Variants in NRXN3 observed in about 807,000 individuals in gnomAD.
NRXN3 encodes the protein neurexin III.
In NRXN3, 32 loss-of-function variants were observed where a neutral mutation model predicts 137.6. The ratio of observed to expected loss-of-function variants is 0.23; its 90% CI spans 0.18 to 0.31. The LOEUF is 0.31. Among genes scored for constraint, NRXN3 ranks in the 10% least tolerant of loss-of-function variants. NRXN3 has a pLI of 1.00. For synonymous variants in NRXN3, 798 were observed against 784.5 expected (o/e 1.02, Z -0.29); for missense variants, 1,574 against 2,062.5 (o/e 0.76, Z 4.59).
At chr14:79,172,388 CT>C (rs1383039064) in intron 15 of NRXN3, among the ~76,000 whole-genome samples, 2 of 151,778 alleles carry the variant, frequency 1.3e-5, no homozygotes, top group Non-Finnish European at 2.9e-5. Context: ...TATTTTTTGC[CT>C]TATGGCATTT....
intron 1 of NRXN3, among the ~76,000 whole-genome samples, chr14:78,199,137 C>T (rs1595839361): frequency 6.6e-6 from 1 of 152,150 alleles, no homozygotes; most frequent in Non-Finnish European, 1.5e-5. Context: ...ATCTAGAAAA[C>T]ATCAGGAGAG....
At chr14:78,840,001 C>G (rs2099007594) in intron 10 of NRXN3, among the ~76,000 whole-genome samples, 1 of 152,246 alleles carries the variant, frequency 6.6e-6, no homozygotes, top group African/African-American at 2.4e-5. Context: ...AATGCAAGAT[C>G]CAAGAATATC....
In NRXN3 at chr14:79,139,346, G is replaced by C. The variant is rs527358154; in HGVS notation, c.3262+151205G>C. Among the ~76,000 whole-genome samples, 14 of 152,264 alleles carry C rather than the reference G, an allele frequency of 9.2e-5. No individual in the cohort carries two copies. In the East Asian group the frequency reaches 2.7e-3, roughly 29 times the overall value. On this transcript the variant is annotated intron_variant, in intron 15 of 20. Coordinates refer to ENST00000335750, the MANE Select transcript of NRXN3 (RefSeq NM_001330195.2). Reference sequence around the variant, plus strand: ...TTGGTTAGCAAGTCAACAGAGACCTGTGTATCTAGGCCTGCATATATGCAT... The same window carrying C: ...TTGGTTAGCAAGTCAACAGAGACCTCTGTATCTAGGCCTGCATATATGCAT...
chr14:78,728,990 CT>C (rs1444307861), intron 8 of NRXN3, among the ~76,000 whole-genome samples: 1 of 152,182 alleles, frequency 6.6e-6, no homozygotes, highest in Non-Finnish European at 1.5e-5. Context: ...TTTTTAACCC[CT>C]TTTTAGCCTC....
chr14:78,844,491 G>C (rs1323565295), intron 10 of NRXN3, among the ~76,000 whole-genome samples: 1 of 152,048 alleles, frequency 6.6e-6, no homozygotes, highest in Non-Finnish European at 1.5e-5. Context: ...GATTGGGCAA[G>C]TTACTGCATC....
At chr14:78,353,282 G>T (rs2083813522) in intron 4 of NRXN3, among the ~76,000 whole-genome samples, 1 of 152,106 alleles carries the variant, frequency 6.6e-6, no homozygotes, top group South Asian at 2.1e-4. Flanking sequence ...GTCCATTTGG[G>T]CTACTAAAAC....
At chr14:78,547,016 C>G (rs142662622) in intron 4 of NRXN3, among the ~76,000 whole-genome samples, 2 of 152,306 alleles carry the variant, frequency 1.3e-5, no homozygotes, top group East Asian at 1.9e-4. Flanking sequence ...AAAAGCCACT[C>G]TTTTCCCACT....
intron 17 of NRXN3, among the ~76,000 whole-genome samples, chr14:79,666,941 G>A (rs558747352): frequency 6.6e-6 from 1 of 151,968 alleles, no homozygotes; most frequent in Non-Finnish European, 1.5e-5. Context: ...AAGTTGTTGT[G>A]TGATATACTA....
intron 17 of NRXN3, among the ~76,000 whole-genome samples, chr14:79,679,550 T>G (rs1008421098): frequency 7.9e-5 from 12 of 152,188 alleles, no homozygotes; most frequent in Non-Finnish European, 1.2e-4. Context: ...GGCCAATAGT[T>G]GTCAACTTTT....
At chr14:78,293,241 CCTTT>C (rs1463419967) in intron 3 of NRXN3, among the ~76,000 whole-genome samples, 1 of 152,138 alleles carries the variant, frequency 6.6e-6, no homozygotes, top group Non-Finnish European at 1.5e-5. Context: ...AACCCCTTTT[CCTTT>C]GAGGTGTCAT....
At chr14:78,853,386 G>T (rs368526830) in intron 10 of NRXN3, among the ~76,000 whole-genome samples, 1 of 152,088 alleles carries the variant, frequency 6.6e-6, no homozygotes, top group Non-Finnish European at 1.5e-5. Context: ...TTCATCTGTT[G>T]ATGGACACAT....
intron 15 of NRXN3, among the ~76,000 whole-genome samples, chr14:79,318,630 G>C (rs1452494628): frequency 6.6e-6 from 1 of 152,208 alleles, no homozygotes; most frequent in Non-Finnish European, 1.5e-5. Context: ...AGTAATATGG[G>C]ATTTATTGGG....
intron 8 of NRXN3, among the ~76,000 whole-genome samples, chr14:78,740,054 G>A (rs1044367662): frequency 6.6e-6 from 1 of 152,206 alleles, no homozygotes; most frequent in Admixed American, 6.5e-5. Flanking sequence ...GGGGGTGGAT[G>A]TGAGAGAGTT....
At chr14:78,340,851 C>T (rs910280172) in intron 4 of NRXN3, among the ~76,000 whole-genome samples, 3 of 152,124 alleles carry the variant, frequency 2.0e-5, no homozygotes, top group African/African-American at 4.8e-5. Context: ...GTGTGATTGG[C>T]AGCCACATTC....
At chr14:79,158,955 GT>G in intron 15 of NRXN3, among the ~76,000 whole-genome samples, 1 of 151,898 alleles carries the variant, frequency 6.6e-6, no homozygotes, top group African/African-American at 2.4e-5. Flanking sequence ...AAAATTGCTC[GT>G]GTTTGATGAG....
chr14:78,506,947 G>T (rs2096007207), intron 4 of NRXN3, among the ~76,000 whole-genome samples: 1 of 151,988 alleles, frequency 6.6e-6, no homozygotes, highest in Non-Finnish European at 1.5e-5. Flanking sequence ...CACCTCCTTT[G>T]CCCATTTCTT....
intron 11 of NRXN3, among the ~76,000 whole-genome samples, chr14:78,961,534 G>A (rs1295842827): frequency 6.6e-6 from 1 of 152,190 alleles, no homozygotes; most frequent in Non-Finnish European, 1.5e-5. Flanking sequence ...TCATTTCGGA[G>A]GAAGGGAGAG....
rs1482589462 is a variant in NRXN3 at position 79,593,351 on chromosome 14, C to T, written c.3445-70427C>T. Among the ~76,000 whole-genome samples, 3 of 152,102 alleles carry T rather than the reference C, an allele frequency of 2.0e-5. No individual in the cohort carries two copies. In the East Asian group the frequency reaches 5.8e-4, roughly 29 times the overall value. On this transcript the variant is annotated intron_variant, in intron 16 of 20. Transcript: ENST00000335750. ...ATATTAAAAATTTACCTTGAGAAGG[C>T]CGGGTGTGGTGGCTCACACCTGTAA...
At chr14:79,761,618 G>A (rs928043983) in intron 19 of NRXN3, among the ~76,000 whole-genome samples, 31 of 146,850 alleles carry the variant, frequency 2.1e-4, no homozygotes, top group African/African-American at 4.6e-4. Flanking sequence ...GCGTGAACCC[G>A]GGAGGCGGAG....
Sources: allele counts gnomAD v4.1 joint callset (sites outside exome capture counted in the v4.1 genomes callset), GRCh38; gene constraint gnomAD v4.1.1; transcripts MANE v1.5; gene names NCBI Gene and HGNC (gene_info 2026-07-23, HGNC 2026-07-21).